SCYL3: variants seen among roughly 807,000 people sequenced by gnomAD.
The protein encoded by SCYL3 is SCY1 like pseudokinase 3.
In SCYL3, 35 loss-of-function variants were observed where a neutral mutation model predicts 73.8. That is an observed-to-expected ratio of 0.47 (90% CI 0.36 to 0.63). The LOEUF (loss-of-function observed/expected upper bound fraction) is 0.63, where lower values mean the gene tolerates loss of function less well. Ranked by LOEUF, SCYL3 falls within the 20% of genes least tolerant of loss-of-function variation. SCYL3 has a pLI of 0.00. For missense variants in SCYL3, 712 were observed against 798.9 expected (o/e 0.89, Z 1.31); for synonymous variants, 277 against 295.2 (o/e 0.94, Z 0.63).
At chr1:169,876,958 TAAAAAAA>T (rs61051062) in intron 3 of SCYL3, among the ~76,000 whole-genome samples, 18 of 76,394 alleles carry the variant, frequency 2.4e-4, no homozygotes, top group Admixed American at 1.2e-3. Flanking sequence ...TTGTCTCAAA[TAAAAAAA>T]AAAAAAAAAA....
chr1:169,854,384 A>C lies in SCYL3; in HGVS notation c.1893T>G (p.Pro631=), dbSNP rs778988645. 2.5e-6 allele frequency: 4 copies of C among 1,613,994 alleles called. No individual in the cohort carries two copies. Among genetic ancestry groups the C allele is most frequent in the South Asian group, 1.1e-5 (1 of 91,084 alleles). ...WFADMIPEIK[P]SAAFLILPEL... ...CAGGTAATATAAGAAAAGCAGCAGA[A>C]GGCTTAATTTCTGGGATCATATCAG... The change falls in exon 12 of 13, where the codon CCT becomes CCG. Residue 631 remains proline, a synonymous_variant. Coordinates refer to ENST00000367771, the MANE Select transcript of SCYL3 (RefSeq NM_020423.7).
chr1:169,873,626 A>T (rs912757574), intron 5 of SCYL3, 70 bp downstream of exon 5: 8 of 1,001,660 alleles, frequency 8.0e-6, no homozygotes, highest in Non-Finnish European at 1.1e-5. Flanking sequence ...TAAGCAGAGG[A>T]AAGTTTTTTA....
chr1:169,867,339 T>C (rs899917922), intron 7 of SCYL3, among the ~76,000 whole-genome samples: 3 of 152,236 alleles, frequency 2.0e-5, no homozygotes, highest in African/African-American at 7.2e-5. Context: ...AAGTCTCCTT[T>C]GATGAAATAA....
intron 10 of SCYL3, 85 bp from the exon 11 acceptor site, chr1:169,859,297 A>T: frequency 7.6e-7 from 1 of 1,317,074 alleles, no homozygotes; most frequent in Non-Finnish European, 1.0e-6. Flanking sequence ...GGCTGCAAAC[A>T]GATTGTGCTT....
At chr1:169,861,919 A>C (rs966194454) in intron 10 of SCYL3, among the ~76,000 whole-genome samples, 1 of 152,164 alleles carries the variant, frequency 6.6e-6, no homozygotes, top group African/African-American at 2.4e-5. Flanking sequence ...CAAGGAGGTA[A>C]GAAGGCCACG....
intron 10 of SCYL3, among the ~76,000 whole-genome samples, chr1:169,861,648 G>A (rs944443468): frequency 6.6e-6 from 1 of 152,162 alleles, no homozygotes; most frequent in Non-Finnish European, 1.5e-5. Context: ...ACATGGCAAC[G>A]GATGACTGAA....
rs773484286 is a variant in SCYL3 at position 169,853,741 on chromosome 1, T to A, written c.2039A>T (p.Glu680Val). The change falls in exon 13 of 13, where the codon GAG becomes GTG. Residue 680 changes from glutamate (E) to valine (V), a missense_variant. Glu to Val is a moderately radical substitution (Grantham distance 121, BLOSUM62 -2). This residue lies in a region of SCYL3 where 370 missense variants were observed against 350.8 expected (regional missense o/e 1.05). Transcript: ENST00000367771. ...CCAGTTATTATCTTCCCAGTTCAGCTCCCCTTCTTCTTCCCAGCCTTCAGC... is the reference window on the plus strand; with the variant it reads ...CCAGTTATTATCTTCCCAGTTCAGCACCCCTTCTTCTTCCCAGCCTTCAGC... ...GEAEGWEEEGELNWEDNNW is the reference protein window; with the variant it reads ...GEAEGWEEEGVLNWEDNNW 1.2e-6 allele frequency: 2 copies of A among 1,613,584 alleles called. No individual in the cohort carries two copies. The highest frequency in any genetic ancestry group is 1.7e-6 in the Non-Finnish European group (2 of 1,179,838).
chr1:169,862,000 G>A (rs1659681222), intron 10 of SCYL3, among the ~76,000 whole-genome samples: 1 of 152,186 alleles, frequency 6.6e-6, no homozygotes, highest in Non-Finnish European at 1.5e-5. Context: ...TGGGAGCTAC[G>A]AGAAGCTTGT....
In SCYL3 at chr1:169,870,768, T is replaced by A. The variant is rs1571416714; in HGVS notation, c.523-411A>T. Among the ~76,000 whole-genome samples, 14 of 151,974 alleles carry A rather than the reference T, an allele frequency of 9.2e-5. 2 individuals are homozygous for A. Among genetic ancestry groups the A allele is most frequent in the African/African-American group, 2.4e-5 (1 of 41,490 alleles). On this transcript the variant is annotated intron_variant, in intron 5 of 12. Coordinates refer to ENST00000367771, the MANE Select transcript of SCYL3 (RefSeq NM_020423.7). ...TGTTCTTTTATTCTTTTTTTTTTTA[T>A]AAAATGCTAGTCAGGACCCCCTAAA... is the stretch of plus-strand genomic sequence containing the variant.
chr1:169,855,332 C>T (rs912846994), intron 11 of SCYL3, among the ~76,000 whole-genome samples: 1 of 152,172 alleles, frequency 6.6e-6, no homozygotes, highest in African/African-American at 2.4e-5. Flanking sequence ...CTTGCAGGCT[C>T]AAATAAGTTT....
intron 7 of SCYL3, among the ~76,000 whole-genome samples, chr1:169,867,808 T>C (rs1660138973): frequency 6.6e-6 from 1 of 152,218 alleles, no homozygotes; most frequent in African/African-American, 2.4e-5. Flanking sequence ...GTACGGTTTG[T>C]GTGTTTTCAG....
In SCYL3 at chr1:169,893,819, G is replaced by C. The variant is rs1433178689; in HGVS notation, c.-82C>G. The C allele has an allele frequency of 6.5e-6, 1 of 153,252 alleles. No homozygotes were observed. The highest frequency in any genetic ancestry group is 1.5e-5 in the Non-Finnish European group (1 of 68,918). 9.5% of individuals were successfully genotyped at this position (153,252 alleles called of 1,614,324 possible). A position where few individuals can be genotyped will look rare whatever the true frequency, so the allele number is the denominator to read the frequency against. On this transcript the variant is annotated 5_prime_UTR_variant, in exon 1 of 13. Transcript: ENST00000367771. ...GAAGGCGGCGGGGGAGGAGGCCGAG[G>C]GTCTTGGCTCTGGTACCCTGTTGGC...
At chr1:169,873,852 C>A (rs1269423823) in intron 4 of SCYL3, 100 bp from the exon 5 acceptor site, 2 of 737,774 alleles carry the variant, frequency 2.7e-6, no homozygotes, top group East Asian at 2.6e-5. Context: ...GCAAACAGCA[C>A]CAATTAAACC....
Position 169,870,335 on chromosome 1 carries a change from G to A in SCYL3, c.545C>T (p.Pro182Leu), listed in dbSNP as rs369632775. The stretch of plus-strand genomic sequence containing the variant: ...ATCCCGGGCATGTCCATGACACTCT[G>A]GGAGAGTTGTGAATTCTGGAGACTA... Reference protein sequence around the residue: ...EEMSPEFTTLPECHGHARDAF... With the variant: ...EEMSPEFTTLLECHGHARDAF... The change falls in exon 6 of 13, where the codon CCA (proline) becomes CTA (leucine). Residue 182 changes from proline (P) to leucine (L), a missense_variant. Transcript: ENST00000367771. The A allele has an allele frequency of 1.6e-5, 25 of 1,612,376 alleles. No individual in the cohort carries two copies. The highest frequency in any genetic ancestry group is 2.0e-5 in the Non-Finnish European group (24 of 1,179,254).
intron 2 of SCYL3, among the ~76,000 whole-genome samples, chr1:169,886,362 C>T (rs547514012): frequency 2.5e-4 from 38 of 152,226 alleles, no homozygotes; most frequent in African/African-American, 8.7e-4. Flanking sequence ...AATTAGAATG[C>T]AAGCTCTTTT....
chr1:169,870,091 C>G (rs1309573093), intron 6 of SCYL3, among the ~76,000 whole-genome samples, 164 bp downstream of exon 6: 1 of 152,222 alleles, frequency 6.6e-6, no homozygotes, highest in Non-Finnish European at 1.5e-5. Flanking sequence ...AAACCCAAAG[C>G]TTCTTTCCTT....
chr1:169,866,433 G>A (rs1318788991), intron 8 of SCYL3, among the ~76,000 whole-genome samples: 1 of 152,190 alleles, frequency 6.6e-6, no homozygotes. Context: ...TTCAATGCCT[G>A]AAGTCCCCTA....
Position 169,859,166 on chromosome 1 carries a change from G to T in SCYL3, c.1187C>A (p.Thr396Asn). 1 of 1,613,708 alleles carries T rather than the reference G, an allele frequency of 6.2e-7. No individual in the cohort carries two copies. The highest frequency in any genetic ancestry group is 8.5e-7 in the Non-Finnish European group (1 of 1,179,890). The change falls in exon 11 of 13, where the codon ACT (threonine) becomes AAT (asparagine). Residue 396 changes from threonine (T) to asparagine (N), a missense_variant. Thr to Asn is a moderately conservative substitution (Grantham distance 65). This residue lies in a region of SCYL3 where 370 missense variants were observed against 350.8 expected (regional missense o/e 1.05). Coordinates refer to ENST00000367771, the MANE Select transcript of SCYL3 (RefSeq NM_020423.7). ...GACCAGCACTGCTAGGCTATGCAGA[G>T]TAATTGCCACAATGGAATCGCTAGT... Reference protein sequence around the residue: ...RDTSDSIVAITLHSLAVLVSL... With the variant: ...RDTSDSIVAINLHSLAVLVSL...
At position 169,862,759 on chromosome 1, in the gene SCYL3, C is replaced by G; in HGVS notation, c.994G>C (p.Ala332Pro). 3.1e-6 allele frequency: 5 copies of G among 1,614,216 alleles called. No individual in the cohort carries two copies. Among genetic ancestry groups the G allele is most frequent in the Non-Finnish European group, 4.2e-6 (5 of 1,180,034 alleles). Residue 332 changes from alanine (A) to proline (P), a missense_variant, in exon 10 of 13, where the codon GCC becomes CCC. Physicochemically the swap from Ala to Pro is conservative, Grantham distance 27. Around this residue, in one of 2 missense-constraint regions of SCYL3, gnomAD observed 342 missense variants for 448.1 expected, o/e 0.76. Coordinates refer to ENST00000367771, the MANE Select transcript of SCYL3 (RefSeq NM_020423.7). Reference protein sequence around the residue: ...QGETPCLLSPALFQSRVIPVL... With the variant: ...QGETPCLLSPPLFQSRVIPVL... Reference sequence around the variant, plus strand: ...GGGATCACCCGTGACTGGAACAGGGCTGGTGAGAGCAAGCAAGGAGTTTCT... The same window carrying G: ...GGGATCACCCGTGACTGGAACAGGGGTGGTGAGAGCAAGCAAGGAGTTTCT...
Sources: allele counts gnomAD v4.1 joint callset (sites outside exome capture counted in the v4.1 genomes callset), GRCh38; gene constraint gnomAD v4.1.1; regional missense constraint gnomAD v4.1.1; transcripts MANE v1.5; gene names NCBI Gene and HGNC (gene_info 2026-07-23, HGNC 2026-07-21).